Variants in RGSL1 observed in about 807,000 individuals in gnomAD.
RGSL1 encodes regulator of G protein signaling like 1.
In RGSL1, 97 loss-of-function variants were observed where a neutral mutation model predicts 124.7. That is an observed-to-expected ratio of 0.78 (90% confidence interval 0.66 to 0.92). RGSL1 has a LOEUF of 0.92. RGSL1 is among the 40% of genes least tolerant of loss of function. RGSL1 has a pLI of 0.00. For missense variants in RGSL1, 1,233 were observed against 1,288.4 expected (o/e 0.96, Z 0.66); for synonymous variants, 424 against 438.1 (o/e 0.97, Z 0.40).
chr1:182,548,366 TATA>T lies in RGSL1; in HGVS notation c.2722_2724del (p.Asn908del). 4 of 1,552,028 alleles carry T rather than the reference TATA, an allele frequency of 2.6e-6. No individual in the cohort carries two copies. Among genetic ancestry groups the T allele is most frequent in the South Asian group, 2.4e-5 (2 of 84,064 alleles). On this transcript the variant is annotated inframe_deletion, in exon 16 of 22. Transcript: ENST00000294854. ...CCACATGCTGCAGGTCAACCGGGCA[TATA>T]ATGAGAATGATGTGATCCTAATGCG...
In RGSL1 at chr1:182,474,140, G is replaced by A. The variant is rs1460092389; in HGVS notation, c.1029G>A (p.Arg343=). ...AGACAAAGGTCTCTACCCACCTGAG[G>A]ACTGTCATCCCCATTGTCAATCACT... The part of the protein sequence containing the change: ...PFETKVSTHL[R]TVIPIVNHSS... Residue 343 remains arginine, a synonymous_variant, in exon 6 of 22, where the codon AGG becomes AGA. Coordinates refer to ENST00000294854, the MANE Select transcript of RGSL1 (RefSeq NM_001137669.2). 2 of 1,551,898 alleles carry A rather than the reference G, an allele frequency of 1.3e-6. No individual in the cohort carries two copies. Among genetic ancestry groups the A allele is most frequent in the East Asian group, 2.4e-5 (1 of 40,932 alleles).
chr1:182,530,879 A>AGATAG lies in RGSL1; in HGVS notation c.2334_2338dup (p.Val780GlyfsTer2). 3 of 1,550,012 alleles carry AGATAG rather than the reference A, an allele frequency of 1.9e-6. No individual in the cohort carries two copies. ...CAAATTTCGTCTAGGAAGCCCTCAA[A>AGATAG]GATAGTGTCAACTTACCTACAGGAA... On this transcript the variant is annotated frameshift_variant, in exon 13 of 22. Transcript: ENST00000294854. LOFTEE classifies it high-confidence loss of function.
chr1:182,516,182 A>G (rs918953821), intron 9 of RGSL1, among the ~76,000 whole-genome samples: 5 of 152,214 alleles, frequency 3.3e-5, no homozygotes, highest in African/African-American at 1.2e-4. Context: ...CCCACAGGAA[A>G]GAGAGAGGTG....
chr1:182,522,587 T>C (rs1658428876), intron 10 of RGSL1, among the ~76,000 whole-genome samples: 1 of 152,180 alleles, frequency 6.6e-6, no homozygotes, highest in Non-Finnish European at 1.5e-5. Flanking sequence ...TCTGGTAAGG[T>C]CCCACAACTA....
At chr1:182,479,644 C>T (rs556247635) in intron 6 of RGSL1, among the ~76,000 whole-genome samples, 17 of 152,196 alleles carry the variant, frequency 1.1e-4, no homozygotes, top group Admixed American at 2.6e-4. Context: ...CTTTACCTAA[C>T]GATAATTACT....
chr1:182,503,769 T>A lies in RGSL1; in HGVS notation c.1825+10640T>A, dbSNP rs529865329. ...ACTAAAAGAACATAATTGGATTGTT[T>A]GTAACACAAAGGATAAATGCTTGAG... On this transcript the variant is annotated intron_variant, in intron 9 of 21. Transcript: ENST00000294854. Among the ~76,000 whole-genome samples, 14 of 152,274 alleles carry A rather than the reference T, an allele frequency of 9.2e-5. No individual in the cohort carries two copies. In the East Asian group the frequency reaches 2.3e-3, roughly 25 times the overall value.
chr1:182,531,033 G>T, intron 13 of RGSL1, 123 bp downstream of exon 13: 10 of 1,147,724 alleles, frequency 8.7e-6, no homozygotes, highest in African/African-American at 1.6e-5. Context: ...ACTATACTAG[G>T]AATTTAAGCA....
intron 4 of RGSL1, among the ~76,000 whole-genome samples, chr1:182,467,460 G>T (rs541991795): frequency 5.3e-5 from 8 of 152,026 alleles, no homozygotes; most frequent in Non-Finnish European, 1.2e-4. Context: ...CAGAAATAAT[G>T]CCACATATCT....
chr1:182,494,402 C>T (rs1655756953), intron 9 of RGSL1, among the ~76,000 whole-genome samples: 2 of 152,214 alleles, frequency 1.3e-5, no homozygotes, highest in Admixed American at 6.5e-5. Flanking sequence ...GAGCCACTAG[C>T]CCCATGTGGC....
At chr1:182,507,923 G>A (rs186112005) in intron 9 of RGSL1, among the ~76,000 whole-genome samples, 41 of 151,982 alleles carry the variant, frequency 2.7e-4, no homozygotes, top group African/African-American at 8.7e-4. Flanking sequence ...GGCTGATCTC[G>A]AACTCCCGGG....
chr1:182,532,179 C>T (rs1659219648), intron 13 of RGSL1, among the ~76,000 whole-genome samples: 1 of 151,692 alleles, frequency 6.6e-6, no homozygotes, highest in African/African-American at 2.4e-5. Context: ...TTATGAAATT[C>T]GTGTGTGTAT....
At chr1:182,459,952 T>G in intron 3 of RGSL1, 52 bp from the exon 4 acceptor site, 5 of 1,530,408 alleles carry the variant, frequency 3.3e-6, no homozygotes, top group Non-Finnish European at 4.4e-6. Context: ...TGTATTTTTT[T>G]AGCAGTTCGG....
chr1:182,488,792 T>A (rs1430218407), intron 7 of RGSL1, 188 bp from the exon 8 acceptor site: 2 of 478,036 alleles, frequency 4.2e-6, no homozygotes, highest in Admixed American at 3.9e-5. Context: ...TTCTTCCTTA[T>A]AGAAAATGAG....
At chr1:182,510,284 G>A (rs1657314292) in intron 9 of RGSL1, among the ~76,000 whole-genome samples, 1 of 37,746 alleles carries the variant, frequency 2.6e-5, no homozygotes. Flanking sequence ...GGTGGCGGCC[G>A]GGCAGAGGCT....
chr1:182,508,997 T>C (rs1657080669), intron 9 of RGSL1, among the ~76,000 whole-genome samples: 1 of 45,020 alleles, frequency 2.2e-5, no homozygotes, highest in Non-Finnish European at 4.8e-5. Flanking sequence ...GAGCACAGGG[T>C]TGGGGGTAAG....
rs2102267424 is a variant in RGSL1, at chr1:182,530,303, A to G, written c.2185A>G (p.Thr729Ala). 7.7e-6 allele frequency: 12 copies of G among 1,551,128 alleles called. No homozygotes were observed. The highest frequency in any genetic ancestry group is 2.4e-5 in the East Asian group (1 of 40,910). ...IKEIASMRHV[T>A]TSTLLTLQGH... ...AGAAATCGCTTCCATGCGTCATGTC[A>G]CCACAAGCACACTGTTAACGCTCCA... The change falls in exon 12 of 22, where the codon ACC (threonine) becomes GCC (alanine). Residue 729 changes from threonine to alanine, a missense_variant. Coordinates refer to ENST00000294854, the MANE Select transcript of RGSL1 (RefSeq NM_001137669.2).
intron 9 of RGSL1, among the ~76,000 whole-genome samples, chr1:182,496,625 T>C (rs962421534): frequency 6.6e-6 from 1 of 152,218 alleles, no homozygotes; most frequent in African/African-American, 2.4e-5. Flanking sequence ...TGTTGTGTTG[T>C]ATGGCCTAAG....
intron 9 of RGSL1, among the ~76,000 whole-genome samples, chr1:182,504,620 GGGTT>G (rs1475397221): frequency 2.6e-5 from 4 of 151,550 alleles, no homozygotes; most frequent in Non-Finnish European, 5.9e-5. Context: ...TCTGCCTTTG[GGGTT>G]GGTGTTGTTT....
chr1:182,455,514 G>A (rs561237070), intron 2 of RGSL1, among the ~76,000 whole-genome samples: 20 of 152,104 alleles, frequency 1.3e-4, no homozygotes, highest in East Asian at 1.9e-4. Context: ...CCCAGGAGGC[G>A]GAGGTTGCAG....
Sources: allele counts gnomAD v4.1 joint callset (sites outside exome capture counted in the v4.1 genomes callset), GRCh38; gene constraint gnomAD v4.1.1; transcripts MANE v1.5; gene names NCBI Gene and HGNC (gene_info 2026-07-23, HGNC 2026-07-21).